The following XRCC5 variants were observed in gnomAD, a reference collection of about 807,000 sequenced individuals.
XRCC5 encodes DNA repair protein Ku80.
XRCC5 carries 12 observed loss-of-function variants against 95.7 expected under a neutral mutation model. The observed-to-expected ratio is 0.13, with a 90% CI of 0.08 to 0.20. The LOEUF (loss-of-function observed/expected upper bound fraction) is 0.20. Among genes scored for constraint, XRCC5 ranks in the 10% least tolerant of loss-of-function variants. The pLI, the probability that XRCC5 is intolerant of heterozygous loss-of-function variation, is 1.00. For synonymous variants in XRCC5, 281 were observed against 290.3 expected (o/e 0.97, Z 0.33); for missense variants, 595 against 873.9 (o/e 0.68, Z 4.02).
chr2:216,175,973 G>A lies in XRCC5; in HGVS notation c.1834+13925G>A, dbSNP rs112570496. The A allele has an allele frequency of 3.6e-3, 1,075 of 296,856 alleles. 6 individuals are homozygous for A. The highest frequency in any genetic ancestry group is 5.4e-3 in the Non-Finnish European group (836 of 155,276). 18.4% of individuals were successfully genotyped at this position (296,856 alleles called of 1,614,324 possible). On this transcript the variant is annotated intron_variant, in intron 16 of 20. Transcript: ENST00000392132. Reference sequence around the variant, plus strand: ...CATGGCCTTCCTCCTCTTGGCGGCAGTGGCAATGACAACGGCCAGAGTCAG... The same window carrying A: ...CATGGCCTTCCTCCTCTTGGCGGCAATGGCAATGACAACGGCCAGAGTCAG...
At chr2:216,129,533 A>T (rs1406327423) in intron 8 of XRCC5, among the ~76,000 whole-genome samples, 1 of 152,240 alleles carries the variant, frequency 6.6e-6, no homozygotes, top group African/African-American at 2.4e-5. Flanking sequence ...TTCAAGTAAG[A>T]TGATGACTGA....
chr2:216,173,965 A>G (rs1015645002), intron 16 of XRCC5, among the ~76,000 whole-genome samples: 1 of 152,184 alleles, frequency 6.6e-6, no homozygotes, highest in Non-Finnish European at 1.5e-5. Context: ...AAGACAGCTA[A>G]TATTTTGTTG....
intron 14 of XRCC5, among the ~76,000 whole-genome samples, chr2:216,153,011 T>G (rs1688773873): frequency 6.6e-6 from 1 of 152,150 alleles, no homozygotes; most frequent in African/African-American, 2.4e-5. Flanking sequence ...CCCCCTAGCT[T>G]CTTCCCTCTA....
chr2:216,123,824 A>G (rs1300687103), intron 6 of XRCC5, among the ~76,000 whole-genome samples: 2 of 152,196 alleles, frequency 1.3e-5, no homozygotes, highest in East Asian at 3.8e-4. Flanking sequence ...AAGAAAAATT[A>G]GAGGCCAATA....
chr2:216,188,940 C>T (rs773472553), intron 16 of XRCC5, among the ~76,000 whole-genome samples: 2 of 152,186 alleles, frequency 1.3e-5, no homozygotes, highest in Non-Finnish European at 1.5e-5. Flanking sequence ...ATCATAATCT[C>T]CGAGTTGGTA....
intron 15 of XRCC5, among the ~76,000 whole-genome samples, chr2:216,160,496 G>A (rs958251876): frequency 2.6e-5 from 4 of 152,022 alleles, no homozygotes; most frequent in Non-Finnish European, 5.9e-5. Flanking sequence ...TTAGTGATAC[G>A]AGCCTTAATC....
chr2:216,176,512 A>C (rs2106037209), intron 16 of XRCC5, among the ~76,000 whole-genome samples: 1 of 152,248 alleles, frequency 6.6e-6, no homozygotes, highest in South Asian at 2.1e-4. Flanking sequence ...CCTTTTGTCT[A>C]ATTTTTTAGT....
intron 19 of XRCC5, among the ~76,000 whole-genome samples, chr2:216,202,292 C>T (rs1404705465): frequency 6.6e-6 from 1 of 152,208 alleles, no homozygotes; most frequent in Middle Eastern, 3.4e-3. Flanking sequence ...GCCATATAGT[C>T]CTGATATCAC....
At chr2:216,114,942 G>C (rs532877700) in intron 2 of XRCC5, among the ~76,000 whole-genome samples, 1 of 152,046 alleles carries the variant, frequency 6.6e-6, no homozygotes, top group Non-Finnish European at 1.5e-5. Context: ...TGATTAATTC[G>C]GGCTGCTCAA....
intron 14 of XRCC5, among the ~76,000 whole-genome samples, chr2:216,151,375 A>T (rs970114145): frequency 2.6e-5 from 4 of 152,166 alleles, no homozygotes; most frequent in African/African-American, 9.7e-5. Context: ...TGTGCAGCTG[A>T]TGTATACGTG....
At chr2:216,147,957 G>A in intron 13 of XRCC5, 126 bp from the exon 14 acceptor site, 1 of 1,041,172 alleles carries the variant, frequency 9.6e-7, no homozygotes, top group Non-Finnish European at 1.4e-6. Flanking sequence ...CCTCTTGATT[G>A]TTTTTTACAT....
chr2:216,116,661 G>A lies in XRCC5; in HGVS notation c.138G>A (p.Val46=), dbSNP rs1271108329. 6.2e-7 allele frequency: 1 copy of A among 1,614,090 alleles called. No individual in the cohort carries two copies. Among genetic ancestry groups the A allele is most frequent in the African/African-American group, 1.3e-5 (1 of 75,022 alleles). Residue 46 remains valine, a splice_region_variant and synonymous_variant, in exon 3 of 21, where the codon GTG becomes GTA. Coordinates refer to ENST00000392132, the MANE Select transcript of XRCC5 (RefSeq NM_021141.4). ...KVITMFVQRQ[V]FAENKDEIAL... ...AGCCATCTGACATTTTTTTCTAGGTGTTTGCTGAGAACAAGGATGAGATTG... is the reference window on the plus strand; with the variant it reads ...AGCCATCTGACATTTTTTTCTAGGTATTTGCTGAGAACAAGGATGAGATTG...
Position 216,204,319 on chromosome 2 carries a change from C to T in XRCC5, c.2110-3C>T. ...GGTATGATAACTGACTTTCTATTTA[C>T]AGTTTCTGGCCCCCAAAGACAAACC... On this transcript the variant is annotated splice_polypyrimidine_tract_variant and splice_region_variant and intron_variant, in intron 19 of 20. Coordinates refer to ENST00000392132, the MANE Select transcript of XRCC5 (RefSeq NM_021141.4). 2.5e-6 allele frequency: 4 copies of T among 1,613,786 alleles called. No individual in the cohort carries two copies. The highest frequency in any genetic ancestry group is 4.5e-5 in the East Asian group (2 of 44,868).
At chr2:216,133,425 C>G (rs1308522189) in intron 10 of XRCC5, among the ~76,000 whole-genome samples, 1 of 152,224 alleles carries the variant, frequency 6.6e-6, no homozygotes, top group African/African-American at 2.4e-5. Context: ...ATTCTCCTAC[C>G]TCTGTTTCCC....
chr2:216,138,330 T>C (rs1697122156), intron 12 of XRCC5, 151 bp downstream of exon 12: 1 of 698,094 alleles, frequency 1.4e-6, no homozygotes, highest in African/African-American at 1.8e-5. Flanking sequence ...ATGATGAAGG[T>C]GGTTTACTTG....
At chr2:216,110,122 G>T (rs957383930) in intron 1 of XRCC5, among the ~76,000 whole-genome samples, 3 of 152,168 alleles carry the variant, frequency 2.0e-5, no homozygotes, top group African/African-American at 7.2e-5. Flanking sequence ...GGCTTTTCCT[G>T]GTGAAATCCG....
chr2:216,115,938 T>G (rs923311586), intron 2 of XRCC5, among the ~76,000 whole-genome samples: 1 of 151,848 alleles, frequency 6.6e-6, no homozygotes, highest in Admixed American at 6.6e-5. Context: ...TAAGTATATA[T>G]TCATAAATAC....
Position 216,117,729 on chromosome 2 carries a change from A to T in XRCC5, c.320-17A>T, listed in dbSNP as rs28371548. On this transcript the variant is annotated splice_polypyrimidine_tract_variant and intron_variant, in intron 3 of 20. Transcript: ENST00000392132. ...GAAGAGACTGTTTGGTGATATCCCT[A>T]TCCTTAACTAGCTGAGTCCTGGATG... 1 of 1,613,686 alleles carries T rather than the reference A, an allele frequency of 6.2e-7. No homozygotes were observed. The highest frequency in any genetic ancestry group is 1.7e-5 in the Admixed American group (1 of 60,016).
chr2:216,113,001 G>T lies in XRCC5; in HGVS notation c.22-15G>T. ...GACTTATTTTCTCAAACACTCTTTG[G>T]AACTTTGTTTCCAGGCAGCTGTTGT... On this transcript the variant is annotated splice_polypyrimidine_tract_variant and intron_variant, in intron 1 of 20. Transcript: ENST00000392132. 1 of 1,602,298 alleles carries T rather than the reference G, an allele frequency of 6.2e-7. No homozygotes were observed. Among genetic ancestry groups the T allele is most frequent in the South Asian group, 1.1e-5 (1 of 90,034 alleles).
Sources: gnomAD v4.1 joint callset for allele counts (sites outside exome capture counted in the v4.1 genomes callset) on GRCh38, gnomAD v4.1.1 for gene constraint, MANE v1.5 for transcripts, NCBI Gene and HGNC (gene_info 2026-07-23, HGNC 2026-07-21) for gene names.